CDH18: variants seen among roughly 807,000 people sequenced by gnomAD.
CDH18 encodes the protein cadherin 18, also known as cadherin-18.
CDH18 carries 31 observed loss-of-function variants against 67.9 expected under a neutral mutation model. The observed-to-expected ratio is 0.46, with a 90% CI of 0.34 to 0.62. The LOEUF is 0.62. CDH18 is among the 20% of genes least tolerant of loss of function. CDH18 has a pLI of 0.01. For missense variants in CDH18, 890 were observed against 975.5 expected, an observed-to-expected ratio of 0.91 and a Z score of 1.17; for synonymous variants, 362 against 347.2, an observed-to-expected ratio of 1.04 and a Z score of -0.48.
intron 2 of CDH18, among the ~76,000 whole-genome samples, chr5:19,952,141 C>A (rs1026556298): frequency 2.6e-5 from 4 of 152,144 alleles, no homozygotes; most frequent in African/African-American, 9.7e-5. Flanking sequence ...CTCCTCCTCC[C>A]AGGTTCAAGT....
chr5:20,305,703 G>A, intron 1 of CDH18: 1 of 414,156 alleles, frequency 2.4e-6, no homozygotes, highest in South Asian at 2.5e-5. Flanking sequence ...GCGAGGCGGC[G>A]AGACGCGCCG....
chr5:20,093,632 A>G (rs559388652), intron 2 of CDH18, among the ~76,000 whole-genome samples: 1 of 152,178 alleles, frequency 6.6e-6, no homozygotes, highest in African/African-American at 2.4e-5. Context: ...AAGGTATAAA[A>G]CTAAATTTCA....
chr5:19,819,072 TAC>T (rs1779587564), intron 3 of CDH18, among the ~76,000 whole-genome samples: 2 of 152,048 alleles, frequency 1.3e-5, no homozygotes. Flanking sequence ...CATGTATATA[TAC>T]ATATATGTGT....
At chr5:20,266,588 T>TTTTTTTTTTTG in intron 1 of CDH18, among the ~76,000 whole-genome samples, 1 of 140,182 alleles carries the variant, frequency 7.1e-6, no homozygotes, top group African/African-American at 2.7e-5. Context: ...TTTTTTTTTT[T>TTTTTTTTTTTG]TTTTTTTTTT....
chr5:20,431,001 A>C (rs1748692177), intron 1 of CDH18, among the ~76,000 whole-genome samples: 1 of 152,212 alleles, frequency 6.6e-6, no homozygotes, highest in African/African-American at 2.4e-5. Flanking sequence ...TTGTTAATGT[A>C]ACCCGTTTGA....
chr5:20,368,463 A>C (rs1742698552), intron 1 of CDH18, among the ~76,000 whole-genome samples: 2 of 152,216 alleles, frequency 1.3e-5, no homozygotes, highest in South Asian at 4.1e-4. Flanking sequence ...TACACAATGC[A>C]AAGAAAAGGA....
At chr5:20,096,317 A>G (rs1363689378) in intron 2 of CDH18, among the ~76,000 whole-genome samples, 2 of 152,184 alleles carry the variant, frequency 1.3e-5, no homozygotes, top group East Asian at 3.8e-4. Context: ...TCATGCTTTT[A>G]TACTCAGCAC....
intron 2 of CDH18, among the ~76,000 whole-genome samples, chr5:20,093,608 A>G (rs1027945422): frequency 6.6e-6 from 1 of 152,200 alleles, no homozygotes; most frequent in Non-Finnish European, 1.5e-5. Context: ...TCAAAATATA[A>G]CAGTAATAAA....
chr5:20,521,630 G>T (rs562525009), intron 1 of CDH18, among the ~76,000 whole-genome samples: 15 of 152,158 alleles, frequency 9.9e-5, no homozygotes, highest in African/African-American at 2.9e-4. Context: ...AGGGAGAAAT[G>T]GGTTAAAGAG....
At chr5:20,329,186 A>G (rs1399407376) in intron 1 of CDH18, among the ~76,000 whole-genome samples, 1 of 152,134 alleles carries the variant, frequency 6.6e-6, no homozygotes, top group Non-Finnish European at 1.5e-5. Flanking sequence ...TAAATAATGC[A>G]GGTCAGCCAG....
chr5:19,647,313 G>A (rs1163673732), intron 5 of CDH18, among the ~76,000 whole-genome samples: 4 of 151,624 alleles, frequency 2.6e-5, no homozygotes, highest in Non-Finnish European at 5.9e-5. Flanking sequence ...ACGAGGTCAA[G>A]AGATTGAGAC....
intron 2 of CDH18, among the ~76,000 whole-genome samples, chr5:20,167,282 G>T (rs995844598): frequency 1.3e-5 from 2 of 151,962 alleles, no homozygotes; most frequent in Non-Finnish European, 2.9e-5. Context: ...AAAGAATGTT[G>T]GCACAAAATA....
At chr5:20,109,634 T>A (rs1304396572) in intron 2 of CDH18, among the ~76,000 whole-genome samples, 2 of 152,258 alleles carry the variant, frequency 1.3e-5, no homozygotes, top group East Asian at 3.9e-4. Context: ...GTGTTTATGG[T>A]TTTTGAAGTA....
At chr5:20,568,340 G>T (rs768412436) in intron 1 of CDH18, among the ~76,000 whole-genome samples, 3 of 152,100 alleles carry the variant, frequency 2.0e-5, no homozygotes, top group Non-Finnish European at 4.4e-5. Context: ...AGTATTCTCA[G>T]TGATAATGTT....
At chr5:19,853,971 C>T (rs146994290) in intron 2 of CDH18, among the ~76,000 whole-genome samples, 149 of 152,172 alleles carry the variant, frequency 9.8e-4, no homozygotes, top group East Asian at 4.3e-3. Flanking sequence ...AAAATGTCTA[C>T]GTGGCACAAA....
intron 6 of CDH18, among the ~76,000 whole-genome samples, chr5:19,606,287 A>G (rs537151006): frequency 6.6e-6 from 1 of 152,278 alleles, no homozygotes; most frequent in East Asian, 1.9e-4. Flanking sequence ...TCAATCAGTA[A>G]TTCAAAGTCA....
intron 3 of CDH18, among the ~76,000 whole-genome samples, chr5:19,779,487 T>C (rs1774835483): frequency 2.0e-5 from 3 of 152,156 alleles, no homozygotes. Context: ...CAATCTATTG[T>C]TACCAAGGCA....
intron 2 of CDH18, among the ~76,000 whole-genome samples, chr5:20,187,989 G>T (rs1412797314): frequency 6.6e-5 from 10 of 151,622 alleles, no homozygotes; most frequent in Non-Finnish European, 1.5e-4. Flanking sequence ...ATATGCCAAG[G>T]ATTAATCTTC....
At chr5:20,192,407 G>C (rs756861344) in intron 2 of CDH18, among the ~76,000 whole-genome samples, 1 of 151,956 alleles carries the variant, frequency 6.6e-6, no homozygotes, top group African/African-American at 2.4e-5. Context: ...TTGGCAGTTT[G>C]TCATGAAGTC....
Sources: allele counts gnomAD v4.1 joint callset (sites outside exome capture counted in the v4.1 genomes callset), GRCh38; gene constraint gnomAD v4.1.1; transcripts MANE v1.5; gene names NCBI Gene and HGNC (gene_info 2026-07-23, HGNC 2026-07-21).